Variants in ZNF140 observed in about 807,000 individuals in gnomAD.
ZNF140 encodes the protein zinc finger protein 140.
ZNF140 carries 13 observed loss-of-function variants against 12.9 expected under a neutral mutation model. The ratio of observed to expected loss-of-function variants is 1.01; its 90% CI spans 0.66 to 1.60. The LOEUF is 1.60. Ranked by LOEUF, ZNF140 falls within the 40% of genes most tolerant of loss-of-function variation. ZNF140 has a pLI of 0.00. For synonymous variants in ZNF140, 214 were observed against 186.7 expected (o/e 1.15, Z -1.19); for missense variants, 531 against 548.8 (o/e 0.97, Z 0.32).
intron 4 of ZNF140, among the ~76,000 whole-genome samples, chr12:133,100,262 G>T (rs1955297986): frequency 6.8e-6 from 1 of 146,174 alleles, no homozygotes; most frequent in Non-Finnish European, 1.5e-5. Flanking sequence ...CGAGCTCCTG[G>T]GCTTAAGCGA....
intron 4 of ZNF140, among the ~76,000 whole-genome samples, chr12:133,105,304 C>G (rs1955551208): frequency 6.6e-6 from 1 of 152,200 alleles, no homozygotes; most frequent in Non-Finnish European, 1.5e-5. Flanking sequence ...TACGTTTACA[C>G]TTTCTCTTTA....
intron 4 of ZNF140, among the ~76,000 whole-genome samples, chr12:133,088,809 T>C (rs1954765519): frequency 6.6e-6 from 1 of 152,246 alleles, no homozygotes; most frequent in Non-Finnish European, 1.5e-5. Flanking sequence ...CTTCTATTGA[T>C]ATTATGTGAT....
At chr12:133,090,178 C>T (rs1419093273) in intron 4 of ZNF140, among the ~76,000 whole-genome samples, 3 of 152,118 alleles carry the variant, frequency 2.0e-5, no homozygotes, top group African/African-American at 7.2e-5. Flanking sequence ...CTTGCTCTGT[C>T]ACCTAGGCTG....
At chr12:133,086,494 C>T (rs1034588744) in intron 4 of ZNF140, among the ~76,000 whole-genome samples, 4 of 151,320 alleles carry the variant, frequency 2.6e-5, no homozygotes, top group Non-Finnish European at 4.4e-5. Context: ...AGATTTTTCT[C>T]TTGTATCTAT....
chr12:133,081,348 A>ATATATATATATATATATATATAT lies in ZNF140; in HGVS notation c.9+19_9+20insTATATATATATATATATATATAT, dbSNP rs1954474525. On this transcript the variant is annotated intron_variant, in intron 2 of 4. Coordinates refer to ENST00000355557, the MANE Select transcript of ZNF140 (RefSeq NM_003440.4). ...GTCTCAGGTAAGCTAATGATTGATA[A>ATATATATATATATATATATATAT]ATATATATATATATATATATATAAA... 9.4e-6 allele frequency: 3 copies of ATATATATATATATATATATATAT among 318,822 alleles called. No homozygotes were observed. Among genetic ancestry groups the ATATATATATATATATATATATAT allele is most frequent in the East Asian group, 8.1e-5 (1 of 12,378 alleles). 19.7% of individuals were successfully genotyped at this position (318,822 alleles called of 1,614,324 possible).
chr12:133,083,615 A>ATT, intron 4 of ZNF140, 54 bp downstream of exon 4: 2 of 1,503,364 alleles, frequency 1.3e-6, no homozygotes, highest in South Asian at 2.3e-5. Context: ...CAATTAGTCA[A>ATT]TGAAAAAGGA....
At chr12:133,083,372 T>C in intron 3 of ZNF140, 94 bp from the exon 4 acceptor site, 1 of 1,512,544 alleles carries the variant, frequency 6.6e-7, no homozygotes, top group East Asian at 2.3e-5. Context: ...ACCTTATTTT[T>C]AGACATTTTA....
At chr12:133,085,272 C>G (rs1954638495) in intron 4 of ZNF140, among the ~76,000 whole-genome samples, 1 of 152,214 alleles carries the variant, frequency 6.6e-6, no homozygotes, top group South Asian at 2.1e-4. Context: ...ATCTGCCCGC[C>G]TAGGCCTCCC....
chr12:133,095,517 G>A (rs1955042670), intron 4 of ZNF140, among the ~76,000 whole-genome samples: 2 of 151,320 alleles, frequency 1.3e-5, no homozygotes, highest in East Asian at 1.9e-4. Context: ...TTTCTAGTCG[G>A]GTGGGATGAG....
chr12:133,090,165 G>A (rs1044717146), intron 4 of ZNF140, among the ~76,000 whole-genome samples: 6 of 151,806 alleles, frequency 4.0e-5, no homozygotes, highest in African/African-American at 1.5e-4. Flanking sequence ...TTTGAGACAG[G>A]ATCTTGCTCT....
intron 4 of ZNF140, among the ~76,000 whole-genome samples, chr12:133,090,560 A>C (rs1457969444): frequency 1.3e-5 from 2 of 152,056 alleles, no homozygotes; most frequent in Non-Finnish European, 2.9e-5. Context: ...GCCCCTCCAC[A>C]CCTGTGGGTA....
intron 4 of ZNF140, among the ~76,000 whole-genome samples, chr12:133,091,935 C>CG (rs1954904616): frequency 6.6e-6 from 1 of 151,168 alleles, no homozygotes; most frequent in Admixed American, 6.6e-5. Context: ...AAAAATCTGA[C>CG]GTAGTCCAGT....
chr12:133,088,608 G>A (rs1183174610), intron 4 of ZNF140, among the ~76,000 whole-genome samples: 1 of 152,108 alleles, frequency 6.6e-6, no homozygotes, highest in Admixed American at 6.5e-5. Flanking sequence ...ATTTCATTTG[G>A]GTAAATACCA....
intron 4 of ZNF140, among the ~76,000 whole-genome samples, chr12:133,104,175 A>C (rs1005939979): frequency 1.3e-5 from 2 of 152,212 alleles, no homozygotes; most frequent in Admixed American, 1.3e-4. Context: ...AAGCTTATGT[A>C]AAAGTTATAA....
rs982206541 is a variant in ZNF140 at position 133,082,839 on chromosome 12, T to G, written c.10-264T>G. The G allele has an allele frequency of 1.8e-4, 54 of 301,534 alleles. 1 individual carries two copies. In the Admixed American group the frequency reaches 2.0e-3, roughly 11 times the overall value. The allele number at this position is 301,534 out of a possible 1,614,324, so 18.7% of individuals were successfully genotyped here. ...TACAACCAATGCCAAAAATCCATATTGTTCATGTGTATAATCCTTTATTTT... is the reference window on the plus strand; with the variant it reads ...TACAACCAATGCCAAAAATCCATATGGTTCATGTGTATAATCCTTTATTTT... On this transcript the variant is annotated intron_variant, in intron 2 of 4. Coordinates refer to ENST00000355557, the MANE Select transcript of ZNF140 (RefSeq NM_003440.4).
Position 133,081,348 on chromosome 12 carries a change from A to AATATATATATATATATATAT in ZNF140, c.9+23_9+42dup, listed in dbSNP as rs368640870. ...GTCTCAGGTAAGCTAATGATTGATA[A>AATATATATATATATATATAT]ATATATATATATATATATATATAAA... is the stretch of plus-strand genomic sequence containing the variant. On this transcript the variant is annotated intron_variant, in intron 2 of 4. Transcript: ENST00000355557. 2.5e-3 allele frequency: 800 copies of AATATATATATATATATATAT among 318,614 alleles called. 37 individuals carry two copies. The highest frequency in any genetic ancestry group is 3.9e-3 in the African/African-American group (128 of 32,528). The allele number at this position is 318,614 out of a possible 1,614,324, so 19.7% of individuals were successfully genotyped here.
intron 4 of ZNF140, among the ~76,000 whole-genome samples, chr12:133,095,192 G>C (rs1430539512): frequency 6.6e-6 from 1 of 150,936 alleles, no homozygotes; most frequent in Non-Finnish European, 1.5e-5. Flanking sequence ...CCCTGTTCTG[G>C]AAACCATGGG....
At chr12:133,103,203 T>C (rs1312509125) in intron 4 of ZNF140, among the ~76,000 whole-genome samples, 1 of 152,232 alleles carries the variant, frequency 6.6e-6, no homozygotes, top group Non-Finnish European at 1.5e-5. Context: ...TTCTCTCTTC[T>C]ATTTTGAAAG....
Position 133,081,348 on chromosome 12 carries a change from A to AAAAT in ZNF140, c.9+20_9+21insAATA. 3 of 317,000 alleles carry AAAAT rather than the reference A, an allele frequency of 9.5e-6. No individual in the cohort carries two copies. The highest frequency in any genetic ancestry group is 1.7e-5 in the Non-Finnish European group (3 of 171,710). 19.6% of individuals were successfully genotyped at this position (317,000 alleles called of 1,614,324 possible). A position where few individuals can be genotyped will look rare whatever the true frequency, so the allele number is the denominator to read the frequency against. On this transcript the variant is annotated intron_variant, in intron 2 of 4. Coordinates refer to ENST00000355557, the MANE Select transcript of ZNF140 (RefSeq NM_003440.4). Reference sequence around the variant, plus strand: ...GTCTCAGGTAAGCTAATGATTGATAAATATATATATATATATATATATAAA... The same window carrying AAAAT: ...GTCTCAGGTAAGCTAATGATTGATAAAAATATATATATATATATATATATATAAA...
Sources: gnomAD v4.1 joint callset for allele counts (sites outside exome capture counted in the v4.1 genomes callset) on GRCh38, gnomAD v4.1.1 for gene constraint, MANE v1.5 for transcripts, NCBI Gene and HGNC (gene_info 2026-07-23, HGNC 2026-07-21) for gene names.